The following FOXP1 variants were observed in gnomAD, a reference collection of about 807,000 sequenced individuals.
FOXP1 encodes the protein forkhead box protein P1.
Under a neutral mutation model 98.2 loss-of-function variants are expected in FOXP1, and 15 were observed. The observed-to-expected ratio is 0.15, with a 90% CI of 0.10 to 0.24. FOXP1 has a LOEUF of 0.24. Among genes scored for constraint, FOXP1 ranks in the 10% least tolerant of loss-of-function variants. The pLI is 1.00. For synonymous variants in FOXP1, 371 were observed against 314.5 expected (o/e 1.18, Z -1.90); for missense variants, 633 against 848.5 (o/e 0.75, Z 3.15).
At chr3:71,087,444 G>T (rs2055256275) in intron 7 of FOXP1, among the ~76,000 whole-genome samples, 1 of 152,194 alleles carries the variant, frequency 6.6e-6, no homozygotes, top group African/African-American at 2.4e-5. Context: ...GAGGTACTCT[G>T]ACCATTTCCT....
rs544693526 is a variant in FOXP1, at chr3:71,079,692, G to C, written c.283-25919C>G. On this transcript the variant is annotated intron_variant, in intron 7 of 20. Coordinates refer to ENST00000649528, the MANE Select transcript of FOXP1 (RefSeq NM_001349338.3). ...ATGTATCACCCACTCCAGGTGTCGG[G>C]TTATTCCCACTTATTACCTGTACCA... Among the ~76,000 whole-genome samples, 110 of 152,244 alleles carry C rather than the reference G, an allele frequency of 7.2e-4. 2 individuals carry two copies. The Middle Eastern group carries it at 0.01, about 14-fold the overall frequency.
intron 2 of FOXP1, among the ~76,000 whole-genome samples, chr3:71,548,759 C>A: frequency 6.6e-6 from 1 of 151,428 alleles, no homozygotes; most frequent in Non-Finnish European, 1.5e-5. Flanking sequence ...CCAGACTTGG[C>A]CTTTACCCCC....
At chr3:71,479,330 G>A (rs1218404543) in intron 3 of FOXP1, among the ~76,000 whole-genome samples, 2 of 152,190 alleles carry the variant, frequency 1.3e-5, no homozygotes, top group Non-Finnish European at 2.9e-5. Context: ...AGTAGGTTAA[G>A]AACAGTCACT....
rs529168091 is a variant in FOXP1 at position 71,381,924 on chromosome 3, A to T, written c.-167-22680T>A. 2.0e-5 allele frequency among the ~76,000 whole-genome samples: 3 copies of T among 152,338 alleles called. No homozygotes were observed. The East Asian group carries it at 5.8e-4, about 29-fold the overall frequency. On this transcript the variant is annotated intron_variant, in intron 3 of 20. Coordinates refer to ENST00000649528, the MANE Select transcript of FOXP1 (RefSeq NM_001349338.3). ...AATGTTTATGACCAAAAGCCAAGGA[A>T]ATTGACATTTGATTAACGTCAAAGT...
At chr3:71,407,110 T>C (rs1159264753) in intron 3 of FOXP1, among the ~76,000 whole-genome samples, 1 of 152,084 alleles carries the variant, frequency 6.6e-6, no homozygotes, top group East Asian at 1.9e-4. Flanking sequence ...GCAACTCCAC[T>C]CTGTTTCTTG....
chr3:71,045,415 T>TG (rs2048889614), intron 10 of FOXP1, among the ~76,000 whole-genome samples: 1 of 152,172 alleles, frequency 6.6e-6, no homozygotes, highest in Non-Finnish European at 1.5e-5. Flanking sequence ...GCAAACTTGA[T>TG]GAGAGAGGTT....
At chr3:70,979,605 T>TA (rs2038426902) in intron 14 of FOXP1, among the ~76,000 whole-genome samples, 3 of 151,870 alleles carry the variant, frequency 2.0e-5, no homozygotes, top group Admixed American at 6.5e-5. Flanking sequence ...TCACTTACCA[T>TA]AGTAAGTCTA....
chr3:71,305,921 T>A (rs988243707), intron 4 of FOXP1: 2 of 152,346 alleles, frequency 1.3e-5, no homozygotes, highest in East Asian at 3.9e-4. Flanking sequence ...GGAGAGGCAA[T>A]TTTCACACAA....
intron 11 of FOXP1, among the ~76,000 whole-genome samples, chr3:71,031,377 A>C (rs2046844033): frequency 6.6e-6 from 1 of 152,224 alleles, no homozygotes; most frequent in South Asian, 2.1e-4. Flanking sequence ...ATCATCAGCT[A>C]CAGTTGCTAT....
intron 3 of FOXP1, among the ~76,000 whole-genome samples, chr3:71,404,814 A>G (rs2082202100): frequency 6.6e-6 from 1 of 152,224 alleles, no homozygotes; most frequent in Non-Finnish European, 1.5e-5. Context: ...GGTTTTGAAA[A>G]GAGACTAATC....
intron 12 of FOXP1, among the ~76,000 whole-genome samples, chr3:71,013,149 T>C (rs1163936808): frequency 2.0e-5 from 3 of 152,136 alleles, no homozygotes; most frequent in African/African-American, 7.2e-5. Context: ...TGTTATAGCT[T>C]CAAATGGGCC....
At chr3:71,161,031 A>G (rs944908936) in intron 6 of FOXP1, among the ~76,000 whole-genome samples, 1 of 152,240 alleles carries the variant, frequency 6.6e-6, no homozygotes, top group African/African-American at 2.4e-5. Flanking sequence ...GGAGTAAGAT[A>G]TAGCATAAGC....
At chr3:71,143,747 T>A (rs2060177160) in intron 6 of FOXP1, among the ~76,000 whole-genome samples, 1 of 152,068 alleles carries the variant, frequency 6.6e-6, no homozygotes, top group Non-Finnish European at 1.5e-5. Context: ...TAAAATAAAA[T>A]GCATAAAGTA....
chr3:71,207,347 G>T (rs2064121587), intron 5 of FOXP1, among the ~76,000 whole-genome samples: 1 of 151,252 alleles, frequency 6.6e-6, no homozygotes, highest in Non-Finnish European at 1.5e-5. Flanking sequence ...CACACTTCAC[G>T]TATCTCCCGC....
intron 6 of FOXP1, among the ~76,000 whole-genome samples, chr3:71,142,805 T>C (rs1158597345): frequency 6.6e-6 from 1 of 152,190 alleles, no homozygotes; most frequent in Non-Finnish European, 1.5e-5. Context: ...ATGAGCTAAT[T>C]TGTGGCAATT....
chr3:70,996,546 G>A (rs1042580014), intron 13 of FOXP1, among the ~76,000 whole-genome samples: 4 of 152,126 alleles, frequency 2.6e-5, no homozygotes, highest in African/African-American at 9.7e-5. Flanking sequence ...TTTTCTTTAG[G>A]GAGGTTTGTC....
chr3:71,077,026 G>C (rs1352809548), intron 7 of FOXP1, among the ~76,000 whole-genome samples: 1 of 152,224 alleles, frequency 6.6e-6, no homozygotes, highest in East Asian at 1.9e-4. Flanking sequence ...GGGCTCATGG[G>C]TTAGATATTT....
At chr3:71,317,726 T>C (rs2075160452) in intron 4 of FOXP1, among the ~76,000 whole-genome samples, 1 of 152,128 alleles carries the variant, frequency 6.6e-6, no homozygotes, top group South Asian at 2.1e-4. Context: ...TTTTGGTACC[T>C]GTCCCCCCCA....
intron 6 of FOXP1, among the ~76,000 whole-genome samples, chr3:71,175,080 T>C (rs1403174896): frequency 2.6e-5 from 4 of 152,036 alleles, no homozygotes; most frequent in Non-Finnish European, 5.9e-5. Flanking sequence ...GCCTCGCTAA[T>C]TTTTTGTGTT....
Sources: gnomAD v4.1 joint callset for allele counts (sites outside exome capture counted in the v4.1 genomes callset) on GRCh38, gnomAD v4.1.1 for gene constraint, MANE v1.5 for transcripts, NCBI Gene and HGNC (gene_info 2026-07-23, HGNC 2026-07-21) for gene names.